Variants in DVL1 observed in about 807,000 individuals in gnomAD.
DVL1 encodes the protein segment polarity protein dishevelled homolog DVL-1.
In DVL1, 49 loss-of-function variants were observed where a neutral mutation model predicts 65.0. The observed-to-expected ratio is 0.75, with a 90% CI of 0.60 to 0.96. The LOEUF (loss-of-function observed/expected upper bound fraction) is 0.96. Among genes scored for constraint, DVL1 ranks in the 40% least tolerant of loss-of-function variants. The probability of loss-of-function intolerance (pLI) is 0.00; values close to 1 mark genes in which losing one functional copy is unlikely to be tolerated. For synonymous variants in DVL1, 608 were observed against 433.9 expected (o/e 1.40, Z -4.99); for missense variants, 1,197 against 1,045.4 (o/e 1.15, Z -2.00).
At position 1,336,126 on chromosome 1, in the gene DVL1, G is replaced by A. The variant is rs766847400; in HGVS notation, c.*16C>T. On this transcript the variant is annotated 3_prime_UTR_variant, in exon 15 of 15. Transcript: ENST00000378888. The stretch of plus-strand genomic sequence containing the variant: ...CAGCTCCCCACCTCAGGCAGGGCTG[G>A]GGCATGCGCCACGAGTCACATGATG... 3.2e-6 allele frequency: 5 copies of A among 1,570,410 alleles called. No homozygotes were observed. The highest frequency in any genetic ancestry group is 4.3e-6 in the Non-Finnish European group (5 of 1,165,240).
At position 1,335,368 on chromosome 1, in the gene DVL1, G is replaced by A. The variant is rs1262697741; in HGVS notation, c.*774C>T. 6.6e-6 allele frequency: 1 copy of A among 152,322 alleles called. No individual in the cohort carries two copies. Among genetic ancestry groups the A allele is most frequent in the Non-Finnish European group, 1.5e-5 (1 of 68,098 alleles). 9.4% of individuals were successfully genotyped at this position (152,322 alleles called of 1,614,324 possible). On this transcript the variant is annotated 3_prime_UTR_variant, in exon 15 of 15. Coordinates refer to ENST00000378888, the MANE Select transcript of DVL1 (RefSeq NM_001330311.2). ...TTAACCATCTAAACGCTGGGACTTT[G>A]ATACAGTATCTACAGCACAGACACG...
rs771135299 is a variant in DVL1 at position 1,340,410 on chromosome 1, C to A, written c.699G>T (p.Arg233=). The change falls in exon 6 of 15, where the codon CGG becomes CGT. Residue 233 remains arginine (R), a splice_region_variant and synonymous_variant. Coordinates refer to ENST00000378888, the MANE Select transcript of DVL1 (RefSeq NM_001330311.2). ...RRKQRLRQAD[R]ASSFSSITDS... is the part of the protein sequence containing the mutation. Reference sequence around the variant, plus strand: ...CGCCCTGCTCCACCCGGCTGCCTACCCGGTCCGCCTGCCGAAGGCGCTGCT... The same window carrying A: ...CGCCCTGCTCCACCCGGCTGCCTACACGGTCCGCCTGCCGAAGGCGCTGCT... The A allele has an allele frequency of 6.8e-5, 110 of 1,610,012 alleles. No individual in the cohort carries two copies. Among genetic ancestry groups the A allele is most frequent in the Non-Finnish European group, 8.8e-5 (104 of 1,178,812 alleles).
rs1557661146 is a variant in DVL1, at chr1:1,335,901, G to C, written c.*241C>G. 3.4e-6 allele frequency: 2 copies of C among 591,160 alleles called. No homozygotes were observed. The highest frequency in any genetic ancestry group is 6.0e-6 in the Non-Finnish European group (2 of 334,800). 36.6% of individuals were successfully genotyped at this position (591,160 alleles called of 1,614,324 possible). ...GGAGGGATCCCCACCAGACACAAGG[G>C]GTTGGGAGGTCCGAGGCTCTCGCTG... On this transcript the variant is annotated 3_prime_UTR_variant, in exon 15 of 15. Coordinates refer to ENST00000378888, the MANE Select transcript of DVL1 (RefSeq NM_001330311.2).
Position 1,340,242 on chromosome 1 carries a change from C to T in DVL1, c.769+5G>A, listed in dbSNP as rs1449900264. ...CTGCCCCCAACCCTCGCCCCGAGGCCTCACCCATGTTGAGCGTGACAGTGA... is the reference window on the plus strand; with the variant it reads ...CTGCCCCCAACCCTCGCCCCGAGGCTTCACCCATGTTGAGCGTGACAGTGA... On this transcript the variant is annotated splice_donor_5th_base_variant and intron_variant, in intron 7 of 14. Coordinates refer to ENST00000378888, the MANE Select transcript of DVL1 (RefSeq NM_001330311.2). The T allele has an allele frequency of 6.2e-7, 1 of 1,613,986 alleles. No individual in the cohort carries two copies. Among genetic ancestry groups the T allele is most frequent in the Non-Finnish European group, 8.5e-7 (1 of 1,180,000 alleles).
rs1239759480 is a variant in DVL1 at position 1,335,696 on chromosome 1, G to A, written c.*446C>T. On this transcript the variant is annotated 3_prime_UTR_variant, in exon 15 of 15. Transcript: ENST00000378888. ...GCAGCAGCAGGTGGGACAGATGACAGGGTCGCCTCCTCCCCCGAGTCACCG... is the reference window on the plus strand; with the variant it reads ...GCAGCAGCAGGTGGGACAGATGACAAGGTCGCCTCCTCCCCCGAGTCACCG... 4 of 171,850 alleles carry A rather than the reference G, an allele frequency of 2.3e-5. No homozygotes were observed. The highest frequency in any genetic ancestry group is 1.7e-4 in the Admixed American group (3 of 17,694). 10.6% of individuals were successfully genotyped at this position (171,850 alleles called of 1,614,324 possible). A position where few individuals can be genotyped will look rare whatever the true frequency, so the allele number is the denominator to read the frequency against.
chr1:1,335,746 G>C lies in DVL1; in HGVS notation c.*396C>G, dbSNP rs889242797. ...GGCCAGGCAATAAATAAATAAATTA[G>C]ATCCCTACTCCAGACAGGGGGCCTG... On this transcript the variant is annotated 3_prime_UTR_variant, in exon 15 of 15. Coordinates refer to ENST00000378888, the MANE Select transcript of DVL1 (RefSeq NM_001330311.2). The C allele has an allele frequency of 1.0e-5, 2 of 198,632 alleles. No individual in the cohort carries two copies. Among genetic ancestry groups the C allele is most frequent in the African/African-American group, 4.7e-5 (2 of 42,386 alleles). 12.3% of individuals were successfully genotyped at this position (198,632 alleles called of 1,614,324 possible).
chr1:1,349,411 G>T lies in DVL1; in HGVS notation c.-346C>A, dbSNP rs1371517180. 2 of 146,042 alleles carry T rather than the reference G, an allele frequency of 1.4e-5. No homozygotes were observed. Among genetic ancestry groups the T allele is most frequent in the East Asian group, 2.0e-4 (1 of 5,032 alleles). The allele number at this position is 146,042 out of a possible 1,614,324, so 9.0% of individuals were successfully genotyped here. ...GACCGCCCGGCCCGGGGTCCTGAGC[G>T]TGGCCGCGGGGGGGCGCCCGAGCGC... On this transcript the variant is annotated 5_prime_UTR_variant, in exon 1 of 15. Transcript: ENST00000378888. The surrounding 1 kb of genome is among the most constrained non-coding windows in gnomAD (Gnocchi z 4.1).
rs1390408053 is a variant in DVL1 at position 1,348,905 on chromosome 1, T to C, written c.161A>G (p.Gln54Arg). The change falls in exon 1 of 15, where the codon CAG (glutamine) becomes CGG (arginine). Residue 54 changes from glutamine to arginine, a missense_variant. Physicochemically the swap from Gln to Arg is conservative, Grantham distance 43 (BLOSUM62 1). Coordinates refer to ENST00000378888, the MANE Select transcript of DVL1 (RefSeq NM_001330311.2). ...CTCGCGGCCGACTGACCCGAAGTCC[T>C]GGTCCATGGACTTAAAGAAGAATTT... ...AYKFFFKSMDQDFGVVKEEIF... is the reference protein window; with the variant it reads ...AYKFFFKSMDRDFGVVKEEIF... 1.3e-6 allele frequency: 2 copies of C among 1,558,998 alleles called. No homozygotes were observed. The highest frequency in any genetic ancestry group is 2.2e-5 in the South Asian group (2 of 88,972).
chr1:1,338,229 T>TGGGGC, intron 13 of DVL1, 40 bp downstream of exon 13: 1 of 1,522,366 alleles, frequency 6.6e-7, no homozygotes, highest in Non-Finnish European at 9.0e-7. Context: ...CCTCCGGCGT[T>TGGGGC]CCCCTCCCCC....
At position 1,335,941 on chromosome 1, in the gene DVL1, A is replaced by G. The variant is rs1253606747; in HGVS notation, c.*201T>C. 4 of 661,226 alleles carry G rather than the reference A, an allele frequency of 6.0e-6. No individual in the cohort carries two copies. Among genetic ancestry groups the G allele is most frequent in the Non-Finnish European group, 1.0e-5 (4 of 394,960 alleles). 41.0% of individuals were successfully genotyped at this position (661,226 alleles called of 1,614,324 possible). A position where few individuals can be genotyped will look rare whatever the true frequency, so the allele number is the denominator to read the frequency against. On this transcript the variant is annotated 3_prime_UTR_variant, in exon 15 of 15. Transcript: ENST00000378888. ...GGCTCTCGCTGAGGGGCAGAGAGGG[A>G]GCGCCCCCAACACGGCTGCTCAGAC...
chr1:1,348,778 G>C lies in DVL1; in HGVS notation c.170+118C>G, dbSNP rs556227721. The stretch of plus-strand genomic sequence containing the variant: ...CCCGCGCCGCATCTAGCGGAGGCGC[G>C]TCGCGGTCGCAGGTCCCCGGGGGCG... On this transcript the variant is annotated intron_variant, in intron 1 of 14. Transcript: ENST00000378888. 7 of 897,894 alleles carry C rather than the reference G, an allele frequency of 7.8e-6. No individual in the cohort carries two copies. In the East Asian group the frequency reaches 3.4e-4, roughly 43 times the overall value. The allele number at this position is 897,894 out of a possible 1,614,324, so 55.6% of individuals were successfully genotyped here. A position where few individuals can be genotyped will look rare whatever the true frequency, so the allele number is the denominator to read the frequency against.
intron 1 of DVL1, among the ~76,000 whole-genome samples, chr1:1,345,972 C>T (rs1447242457): frequency 6.6e-6 from 1 of 152,158 alleles, no homozygotes; most frequent in Non-Finnish European, 1.5e-5. Flanking sequence ...TCTCTGTGCC[C>T]CTCCCCCGGT....
intron 1 of DVL1, among the ~76,000 whole-genome samples, chr1:1,344,219 G>A (rs535722883): frequency 2.6e-5 from 4 of 152,322 alleles, no homozygotes; most frequent in South Asian, 4.1e-4. Flanking sequence ...TTCCACGCCC[G>A]GGACTTGGGC....
chr1:1,346,622 G>A (rs1225343990), intron 1 of DVL1, among the ~76,000 whole-genome samples: 1 of 152,230 alleles, frequency 6.6e-6, no homozygotes, highest in East Asian at 1.9e-4. Flanking sequence ...CCGTGCGTGG[G>A]GAGTGGGGTC....
At position 1,336,180 on chromosome 1, in the gene DVL1, T is replaced by C. The variant is rs867309666; in HGVS notation, c.2050A>G (p.Met684Val). The change falls in exon 15 of 15, where the codon ATG (methionine) becomes GTG (valine). Residue 684 changes from methionine to valine, a missense_variant. By Grantham distance (21) the Met-to-Val change is conservative (BLOSUM62 1). Coordinates refer to ENST00000378888, the MANE Select transcript of DVL1 (RefSeq NM_001330311.2). ...ACGAAGAACTCGCAGGGGTTCCCCA[T>C]AGCCTTCTGGAAGGACTGGCGGCTG... ...TGSRQSFQKAMGNPCEFFVDI... is the reference protein window; with the variant it reads ...TGSRQSFQKAVGNPCEFFVDI... The C allele has an allele frequency of 9.5e-6, 15 of 1,573,282 alleles. No individual in the cohort carries two copies. The highest frequency in any genetic ancestry group is 3.3e-4 in the Middle Eastern group (2 of 6,048).
At chr1:1,347,292 C>T (rs1643929965) in intron 1 of DVL1, among the ~76,000 whole-genome samples, 1 of 152,204 alleles carries the variant, frequency 6.6e-6, no homozygotes, top group Admixed American at 6.5e-5. Flanking sequence ...TGTCTCTTTC[C>T]TGGCCGCATC....
At chr1:1,344,631 C>A (rs1643891697) in intron 1 of DVL1, among the ~76,000 whole-genome samples, 1 of 152,152 alleles carries the variant, frequency 6.6e-6, no homozygotes, top group African/African-American at 2.4e-5. Context: ...AAGGTCACTT[C>A]TCAGACCCCT....
chr1:1,348,330 G>A lies in DVL1; in HGVS notation c.170+566C>T, dbSNP rs560123251. Among the ~76,000 whole-genome samples the A allele has an allele frequency of 5.9e-5, 9 of 152,292 alleles. No homozygotes were observed. The South Asian group carries it at 1.7e-3, about 28-fold the overall frequency. Reference sequence around the variant, plus strand: ...GTGCTTTGTGGCTCAGTGGGGACGGGGCCCACAGGAAGCTCAGGACACGGG... The same window carrying A: ...GTGCTTTGTGGCTCAGTGGGGACGGAGCCCACAGGAAGCTCAGGACACGGG... On this transcript the variant is annotated intron_variant, in intron 1 of 14. Coordinates refer to ENST00000378888, the MANE Select transcript of DVL1 (RefSeq NM_001330311.2).
intron 5 of DVL1, among the ~76,000 whole-genome samples, chr1:1,341,301 T>G (rs374604698): frequency 3.3e-5 from 5 of 151,448 alleles, no homozygotes; most frequent in South Asian, 2.1e-4. Flanking sequence ...CACACACACA[T>G]ACATGCACAC....
Sources: allele counts gnomAD v4.1 joint callset (sites outside exome capture counted in the v4.1 genomes callset), GRCh38; gene constraint gnomAD v4.1.1; non-coding constraint Gnocchi (gnomAD v3.1); transcripts MANE v1.5; gene names NCBI Gene and HGNC (gene_info 2026-07-23, HGNC 2026-07-21).